The following PTPRD variants were observed in gnomAD, a reference collection of about 807,000 sequenced individuals.
PTPRD encodes protein tyrosine phosphatase receptor type D, also known as receptor-type tyrosine-protein phosphatase delta.
Under a neutral mutation model 214.5 loss-of-function variants are expected in PTPRD, and 34 were observed. The observed-to-expected ratio is 0.16, with a 90% confidence interval of 0.12 to 0.21. The LOEUF is 0.21. PTPRD is among the 10% of genes least tolerant of loss of function. The pLI, the probability that PTPRD is intolerant of heterozygous loss-of-function variation, is 1.00. For synonymous variants in PTPRD, 1,128 were observed against 845.7 expected, an observed-to-expected ratio of 1.33 and a Z score of -5.79; for missense variants, 2,545 against 2,398.7, an observed-to-expected ratio of 1.06 and a Z score of -1.27.
intron 12 of PTPRD, among the ~76,000 whole-genome samples, chr9:8,676,288 A>G (rs1565196813): frequency 6.6e-6 from 1 of 151,928 alleles, no homozygotes; most frequent in Non-Finnish European, 1.5e-5. Context: ...CAACTCCCTA[A>G]GCCCACCTTA....
At chr9:8,757,827 T>G (rs2094131724) in intron 11 of PTPRD, among the ~76,000 whole-genome samples, 1 of 152,128 alleles carries the variant, frequency 6.6e-6, no homozygotes. Context: ...ACCTTTGCCA[T>G]CAAAATATAA....
At chr9:8,959,661 C>A (rs993392011) in intron 11 of PTPRD, among the ~76,000 whole-genome samples, 1 of 151,846 alleles carries the variant, frequency 6.6e-6, no homozygotes, top group Admixed American at 6.6e-5. Context: ...TATTTAGATG[C>A]AGTAAGTTGG....
At chr9:9,493,691 G>C (rs1273757889) in intron 8 of PTPRD, among the ~76,000 whole-genome samples, 1 of 150,802 alleles carries the variant, frequency 6.6e-6, no homozygotes, top group Non-Finnish European at 1.5e-5. Flanking sequence ...AGGAGGCTGA[G>C]GCAGGAGAAT....
intron 5 of PTPRD, among the ~76,000 whole-genome samples, chr9:9,831,463 C>T (rs1394901776): frequency 6.6e-6 from 1 of 151,750 alleles, no homozygotes; most frequent in Non-Finnish European, 1.5e-5. Flanking sequence ...ATGGGAATAC[C>T]CCAATCATCT....
At chr9:8,926,724 A>G (rs1218249975) in intron 11 of PTPRD, among the ~76,000 whole-genome samples, 1 of 152,214 alleles carries the variant, frequency 6.6e-6, no homozygotes, top group Non-Finnish European at 1.5e-5. Context: ...ATTTTTATGT[A>G]TATAACTTGG....
At chr9:9,282,974 C>A (rs1948237820) in intron 9 of PTPRD, among the ~76,000 whole-genome samples, 1 of 151,370 alleles carries the variant, frequency 6.6e-6, no homozygotes, top group Non-Finnish European at 1.5e-5. Flanking sequence ...AAACATTCTT[C>A]CACAGGGGAC....
chr9:10,260,742 A>G (rs1357134049), intron 3 of PTPRD, among the ~76,000 whole-genome samples: 2 of 152,102 alleles, frequency 1.3e-5, no homozygotes, highest in Non-Finnish European at 2.9e-5. Context: ...TCCCATTAAC[A>G]TAATTAACAA....
chr9:9,962,507 A>G (rs2094433591), intron 4 of PTPRD, among the ~76,000 whole-genome samples: 2 of 152,042 alleles, frequency 1.3e-5, no homozygotes, highest in African/African-American at 2.4e-5. Flanking sequence ...CAATTCACCC[A>G]AACATTAAGC....
At chr9:10,473,076 T>A (rs1449106860) in intron 2 of PTPRD, among the ~76,000 whole-genome samples, 3 of 152,148 alleles carry the variant, frequency 2.0e-5, no homozygotes, top group Admixed American at 1.3e-4. Context: ...AATTGTTATA[T>A]CACGCTCCAG....
At chr9:10,153,656 A>G (rs1045953578) in intron 3 of PTPRD, among the ~76,000 whole-genome samples, 16 of 152,030 alleles carry the variant, frequency 1.1e-4, no homozygotes, top group African/African-American at 3.9e-4. Context: ...TAAGCCTAGT[A>G]TTCATTAGTT....
At chr9:8,682,961 T>A (rs190086258) in intron 12 of PTPRD, among the ~76,000 whole-genome samples, 123 of 152,276 alleles carry the variant, frequency 8.1e-4, no homozygotes, top group African/African-American at 2.9e-3. Context: ...GACTTGCAGG[T>A]TTCCCAAAAA....
intron 31 of PTPRD, 141 bp from the exon 32 acceptor site, chr9:8,465,816 C>G (rs753715132): frequency 7.5e-6 from 5 of 670,694 alleles, no homozygotes; most frequent in East Asian, 2.7e-5. Context: ...ATCAGCATCA[C>G]TAAATCTCAG....
At chr9:10,120,587 G>T (rs1225482857) in intron 3 of PTPRD, among the ~76,000 whole-genome samples, 1 of 151,826 alleles carries the variant, frequency 6.6e-6, no homozygotes, top group African/African-American at 2.4e-5. Flanking sequence ...GATGTTCTTA[G>T]ACACTTAGAG....
chr9:8,544,615 G>A (rs551656148), intron 14 of PTPRD, among the ~76,000 whole-genome samples: 13 of 151,376 alleles, frequency 8.6e-5, no homozygotes, highest in Admixed American at 3.3e-4. Flanking sequence ...GATTACAGGC[G>A]CCAGCCACTG....
intron 3 of PTPRD, among the ~76,000 whole-genome samples, chr9:10,254,052 G>A (rs538750741): frequency 1.6e-4 from 25 of 152,236 alleles, no homozygotes; most frequent in South Asian, 2.1e-4. Flanking sequence ...AAGAAAGCAC[G>A]TTTTCTGAGC....
chr9:10,169,373 C>A (rs572450481), intron 3 of PTPRD, among the ~76,000 whole-genome samples: 1 of 148,596 alleles, frequency 6.7e-6, no homozygotes, highest in African/African-American at 2.5e-5. Flanking sequence ...ACCTGGGAGG[C>A]TGAGGCAGGA....
At chr9:9,068,638 G>C (rs1187602506) in intron 10 of PTPRD, among the ~76,000 whole-genome samples, 1 of 148,704 alleles carries the variant, frequency 6.7e-6, no homozygotes, top group Admixed American at 6.7e-5. Flanking sequence ...TTTTGAGATG[G>C]AGTCTCACTT....
chr9:9,134,275 T>C (rs553618812), intron 10 of PTPRD, among the ~76,000 whole-genome samples: 1 of 149,588 alleles, frequency 6.7e-6, no homozygotes, highest in East Asian at 2.0e-4. Flanking sequence ...AGGTTTCACC[T>C]TGTTAGCCAG....
chr9:9,815,666 T>C (rs1048519149), intron 5 of PTPRD, among the ~76,000 whole-genome samples: 4 of 152,046 alleles, frequency 2.6e-5, no homozygotes, highest in Admixed American at 2.6e-4. Context: ...TAGTGATGTA[T>C]GATATCACTT....
Sources: gnomAD v4.1 joint callset for allele counts (sites outside exome capture counted in the v4.1 genomes callset) on GRCh38, gnomAD v4.1.1 for gene constraint, MANE v1.5 for transcripts, NCBI Gene and HGNC (gene_info 2026-07-23, HGNC 2026-07-21) for gene names.